Variants in ARHGAP6 observed in about 807,000 individuals in gnomAD.
ARHGAP6 encodes the protein Rho GTPase activating protein 6.
A neutral mutation model predicts 55.7 loss-of-function variants in ARHGAP6; 16 were observed. The observed-to-expected ratio is 0.29, with a 90% confidence interval of 0.19 to 0.44. ARHGAP6 has a LOEUF of 0.44. Among genes scored for constraint, ARHGAP6 ranks in the 20% least tolerant of loss-of-function variants. The pLI, the probability that ARHGAP6 is intolerant of heterozygous loss-of-function variation, is 1.00. For synonymous variants in ARHGAP6, 382 were observed against 360.9 expected (o/e 1.06, Z -0.66); for missense variants, 698 against 808.9 (o/e 0.86, Z 1.66).
At chrX:11,616,669 T>C (rs2052169104) in intron 1 of ARHGAP6, among the ~76,000 whole-genome samples, 1 of 111,820 alleles carries the variant, frequency 8.9e-6, no homozygotes, top group African/African-American at 3.3e-5. Context: ...AAGCATTCCT[T>C]CATAGCAACA....
At chrX:11,430,991 T>C (rs2049935779) in intron 1 of ARHGAP6, among the ~76,000 whole-genome samples, 1 of 112,166 alleles carries the variant, frequency 8.9e-6, no homozygotes, top group African/African-American at 3.2e-5. Context: ...CTAAACTGTA[T>C]ATTGACATGG....
intron 2 of ARHGAP6, among the ~76,000 whole-genome samples, chrX:11,243,208 C>T (rs2047307770): frequency 9.0e-6 from 1 of 111,637 alleles, no homozygotes; most frequent in African/African-American, 3.3e-5. Flanking sequence ...AGTTTTTAAT[C>T]TAAATCCATC....
At chrX:11,479,089 C>T (rs1168610252) in intron 1 of ARHGAP6, among the ~76,000 whole-genome samples, 1 of 112,284 alleles carries the variant, frequency 8.9e-6, no homozygotes. Flanking sequence ...TCAGTCTCCA[C>T]TTTAACGAAA....
At chrX:11,379,445 T>C (rs772384344) in intron 1 of ARHGAP6, among the ~76,000 whole-genome samples, 55 of 111,992 alleles carry the variant, frequency 4.9e-4, no homozygotes, top group Non-Finnish European at 1.3e-4. Flanking sequence ...GTATTTGGCA[T>C]AGGAAAAGAA....
At position 11,658,167 on chromosome X, in the gene ARHGAP6, G is replaced by A. The variant is rs1302882311; in HGVS notation, c.588+6074C>T. Among the ~76,000 whole-genome samples the A allele has an allele frequency of 2.6e-4, 29 of 111,579 alleles. No individual in the cohort carries two copies. In the Admixed American group the frequency reaches 2.8e-3, roughly 11 times the overall value. ...AGCTTTACAGTCCCTCTCTTCAACT[G>A]TAAAATAAGCAATTTGGAGCTAGAT... On this transcript the variant is annotated intron_variant, in intron 1 of 12. Coordinates refer to ENST00000337414, the MANE Select transcript of ARHGAP6 (RefSeq NM_013427.3).
intron 1 of ARHGAP6, among the ~76,000 whole-genome samples, chrX:11,584,492 C>A (rs1044092852): frequency 2.7e-5 from 3 of 111,577 alleles, no homozygotes; most frequent in African/African-American, 9.8e-5. Flanking sequence ...CATACCTAAT[C>A]CCTTGGGTAT....
chrX:11,506,847 G>C lies in ARHGAP6; in HGVS notation c.588+157394C>G, dbSNP rs185529741. Among the ~76,000 whole-genome samples, 629 of 111,752 alleles carry C rather than the reference G, an allele frequency of 5.6e-3. 7 individuals carry two copies. The highest frequency in any genetic ancestry group is 0.02 in the African/African-American group (607 of 30,713). On this transcript the variant is annotated intron_variant, in intron 1 of 12. Transcript: ENST00000337414. ...TCCACAATGGTTGAACTAGTTTACAGTCCCACCGACAGTGTGAAAGTGTCC... is the reference window on the plus strand; with the variant it reads ...TCCACAATGGTTGAACTAGTTTACACTCCCACCGACAGTGTGAAAGTGTCC...
chrX:11,324,644 A>C (rs1228515516), intron 1 of ARHGAP6, among the ~76,000 whole-genome samples: 1 of 111,595 alleles, frequency 9.0e-6, no homozygotes, highest in Non-Finnish European at 1.9e-5. Context: ...CAGTTAATAA[A>C]ATAAAAAAGA....
chrX:11,611,884 C>A (rs2052106446), intron 1 of ARHGAP6, among the ~76,000 whole-genome samples: 1 of 106,350 alleles, frequency 9.4e-6, no homozygotes. Context: ...TATAATATGC[C>A]AAGCATAGTG....
intron 1 of ARHGAP6, among the ~76,000 whole-genome samples, chrX:11,492,994 G>A (rs983139854): frequency 2.7e-5 from 3 of 111,780 alleles, no homozygotes; most frequent in African/African-American, 9.8e-5. Flanking sequence ...TGTTGAAGAT[G>A]GCAAAGCCAG....
intron 1 of ARHGAP6, among the ~76,000 whole-genome samples, chrX:11,473,804 A>T (rs1019404926): frequency 8.9e-6 from 1 of 112,145 alleles, no homozygotes; most frequent in African/African-American, 3.2e-5. Flanking sequence ...TGGGCCAAAA[A>T]AAGTACATTT....
chrX:11,380,575 C>T (rs764734358), intron 1 of ARHGAP6, among the ~76,000 whole-genome samples: 196 of 112,095 alleles, frequency 1.7e-3, no homozygotes, highest in Non-Finnish European at 2.9e-3. Flanking sequence ...TAGAAACACA[C>T]GTTCCTGAGC....
chrX:11,213,688 C>T (rs141524591), intron 2 of ARHGAP6, among the ~76,000 whole-genome samples: 39 of 111,707 alleles, frequency 3.5e-4, no homozygotes, highest in African/African-American at 1.1e-3. Flanking sequence ...TATAAGGGAA[C>T]GGAGCAATGT....
chrX:11,471,308 A>C (rs1248859888), intron 1 of ARHGAP6, among the ~76,000 whole-genome samples: 1 of 112,539 alleles, frequency 8.9e-6, no homozygotes, highest in African/African-American at 3.2e-5. Context: ...AGTTAAAAAT[A>C]AAAAAGAAAC....
intron 1 of ARHGAP6, among the ~76,000 whole-genome samples, chrX:11,343,526 G>T (rs1357661402): frequency 8.9e-6 from 1 of 111,963 alleles, no homozygotes; most frequent in Non-Finnish European, 1.9e-5. Flanking sequence ...GGTCCCCAGG[G>T]TTAATATTCA....
At chrX:11,357,812 A>C (rs909799932) in intron 1 of ARHGAP6, among the ~76,000 whole-genome samples, 2 of 112,181 alleles carry the variant, frequency 1.8e-5, no homozygotes, top group Non-Finnish European at 3.8e-5. Context: ...TGTTGTGTGG[A>C]TAGAAAAGCT....
At chrX:11,297,633 G>A (rs1465960373) in intron 1 of ARHGAP6, among the ~76,000 whole-genome samples, 1 of 111,623 alleles carries the variant, frequency 9.0e-6, no homozygotes, top group Non-Finnish European at 1.9e-5. Context: ...TTCTCTCACA[G>A]GTTCAGGTAA....
At chrX:11,388,441 A>G (rs1218460529) in intron 1 of ARHGAP6, among the ~76,000 whole-genome samples, 1 of 111,665 alleles carries the variant, frequency 9.0e-6, no homozygotes, top group Non-Finnish European at 1.9e-5. Flanking sequence ...TTCATTGTAG[A>G]TTCTGGATAT....
chrX:11,391,736 G>C (rs1261532849), intron 1 of ARHGAP6, among the ~76,000 whole-genome samples: 1 of 112,429 alleles, frequency 8.9e-6, no homozygotes, highest in Non-Finnish European at 1.9e-5. Context: ...GAAGCTCTAG[G>C]AGTGAAGCTT....
Sources: gnomAD v4.1 joint callset for allele counts (sites outside exome capture counted in the v4.1 genomes callset) on GRCh38, gnomAD v4.1.1 for gene constraint, MANE v1.5 for transcripts, NCBI Gene and HGNC (gene_info 2026-07-23, HGNC 2026-07-21) for gene names.